Variants in TFAP2A observed in about 807,000 individuals in gnomAD.
TFAP2A encodes the protein transcription factor AP-2 alpha.
Under a neutral mutation model 41.5 loss-of-function variants are expected in TFAP2A, and 7 were observed. The observed-to-expected ratio is 0.17, with a 90% CI of 0.10 to 0.32. The LOEUF is 0.32. Among genes scored for constraint, TFAP2A ranks in the 10% least tolerant of loss-of-function variants. The probability of loss-of-function intolerance (pLI) is 1.00; values close to 1 mark genes in which losing one functional copy is unlikely to be tolerated. For missense variants in TFAP2A, 416 were observed against 563.3 expected (o/e 0.74, Z 2.65); for synonymous variants, 247 against 242.8 (o/e 1.02, Z -0.16).
intron 2 of TFAP2A, chr6:10,409,502 G>T: frequency 4.4e-6 from 1 of 225,996 alleles, no homozygotes; most frequent in Non-Finnish European, 8.9e-6. Context: ...CATTTAATGA[G>T]CTCTTTTGGT....
intron 2 of TFAP2A, chr6:10,409,019 C>T (rs1223621683): frequency 6.6e-6 from 1 of 152,202 alleles, no homozygotes; most frequent in East Asian, 1.9e-4. Flanking sequence ...GCTCTAATTC[C>T]ATTTCAGGAG....
At chr6:10,407,819 T>G (rs1177845468) in intron 2 of TFAP2A, 1 of 152,206 alleles carries the variant, frequency 6.6e-6, no homozygotes, top group Admixed American at 6.5e-5. Context: ...TGATTCCGGG[T>G]GGATGGTACT....
At chr6:10,412,285 G>T in intron 1 of TFAP2A, 1 of 987,284 alleles carries the variant, frequency 1.0e-6, no homozygotes, top group Non-Finnish European at 1.2e-6. Flanking sequence ...ATTTTAAAAG[G>T]TTGCAGGGCA....
At position 10,396,898 on chromosome 6, in the gene TFAP2A, G is replaced by A. The variant is rs1391894372; in HGVS notation, c.*1519C>T. ...AAGTAAGTTTTTATTATACTTGAGG[G>A]AAACAATGGGTTCAGCTGCTTATTG... On this transcript the variant is annotated 3_prime_UTR_variant, in exon 7 of 7. Transcript: ENST00000379613. 1.3e-5 allele frequency: 2 copies of A among 152,514 alleles called. No individual in the cohort carries two copies. The highest frequency in any genetic ancestry group is 1.3e-4 in the Admixed American group (2 of 15,274). The allele number at this position is 152,514 out of a possible 1,614,324, so 9.4% of individuals were successfully genotyped here. A position where few individuals can be genotyped will look rare whatever the true frequency, so the allele number is the denominator to read the frequency against.
At chr6:10,411,652 C>G in intron 1 of TFAP2A, 1 of 1,611,772 alleles carries the variant, frequency 6.2e-7, no homozygotes, top group Non-Finnish European at 8.5e-7. Context: ...AAGCCTGGAG[C>G]GCCCGGCTGC....
intron 5 of TFAP2A, 56 bp downstream of exon 5, chr6:10,402,436 T>C (rs2114007235): frequency 1.5e-6 from 2 of 1,292,464 alleles, no homozygotes; most frequent in East Asian, 4.6e-5. Flanking sequence ...GGCCACTAAA[T>C]ATTATCCATT....
At position 10,398,278 on chromosome 6, in the gene TFAP2A, A is replaced by AGCGGCG. The variant is rs952111195; in HGVS notation, c.*133_*138dup. The AGCGGCG allele has an allele frequency of 6.8e-5, 106 of 1,568,390 alleles. No individual in the cohort carries two copies. The highest frequency in any genetic ancestry group is 2.0e-4 in the African/African-American group (15 of 73,974). On this transcript the variant is annotated 3_prime_UTR_variant, in exon 7 of 7. Coordinates refer to ENST00000379613, the MANE Select transcript of TFAP2A (RefSeq NM_001372066.1). This position sits in a 1 kb window ranked among gnomAD's most constrained non-coding sequence, Gnocchi z 5.3. ...CGGAGACTCGGGGGGACCCAAGGGCAGCGGCGGCGGCGGCGGCGGCAGCAG... is the reference window on the plus strand; with the variant it reads ...CGGAGACTCGGGGGGACCCAAGGGCAGCGGCGGCGGCGGCGGCGGCGGCGGCAGCAG...
chr6:10,398,374 G>C lies in TFAP2A; in HGVS notation c.*43C>G. The stretch of plus-strand genomic sequence containing the variant: ...TCACCCGCCGGAGGGTGGGCGCGCG[G>C]GGGGCTGGTGAGGCGTGGGAGGGGC... On this transcript the variant is annotated 3_prime_UTR_variant, in exon 7 of 7. Transcript: ENST00000379613. The surrounding 1 kb of genome is among the most constrained non-coding windows in gnomAD (Gnocchi z 5.3). The C allele has an allele frequency of 6.2e-7, 1 of 1,611,010 alleles. No homozygotes were observed. The highest frequency in any genetic ancestry group is 8.5e-7 in the Non-Finnish European group (1 of 1,179,208).
At chr6:10,419,538 ATCC>A, upstream of TFAP2A, 1 of 1,554,716 alleles carries the variant, frequency 6.4e-7, no homozygotes, top group Non-Finnish European at 8.9e-7. Context: ...GCTTAGGCAA[ATCC>A]TCCTTTTTTA....
At chr6:10,415,308 G>A (rs1335550192), upstream of TFAP2A, 1 of 1,349,936 alleles carries the variant, frequency 7.4e-7, no homozygotes, top group African/African-American at 1.5e-5. Flanking sequence ...CAGCCTAATC[G>A]CCTCATTAGC....
intron 2 of TFAP2A, chr6:10,409,036 G>T (rs1757836076): frequency 6.6e-6 from 1 of 152,240 alleles, no homozygotes; most frequent in African/African-American, 2.4e-5. Flanking sequence ...GGAGGGTTGT[G>T]AGGAAACCAT....
upstream of TFAP2A, chr6:10,416,076 C>G (rs1461452829): frequency 6.6e-6 from 1 of 152,190 alleles, no homozygotes; most frequent in Admixed American, 6.5e-5. Context: ...ACTGCACACC[C>G]GCTTCTGAAG....
At position 10,404,758 on chromosome 6, in the gene TFAP2A, G is replaced by T; in HGVS notation, c.539-19C>A. The T allele has an allele frequency of 6.8e-6, 11 of 1,609,708 alleles. No individual in the cohort carries two copies. The highest frequency in any genetic ancestry group is 9.4e-6 in the Non-Finnish European group (11 of 1,176,106). On this transcript the variant is annotated intron_variant, in intron 3 of 6. Transcript: ENST00000379613. ...ACGGGGCCTGCGGAGACAGAGGGGA[G>T]GCCGCGTGTTGGGCGTCGTGGATCA...
intron 5 of TFAP2A, 150 bp from the exon 6 acceptor site, chr6:10,400,739 C>G: frequency 1.1e-6 from 1 of 930,950 alleles, no homozygotes; most frequent in South Asian, 1.4e-5. Flanking sequence ...CATTTTATTT[C>G]CTTCTCTGTA....
intron 1 of TFAP2A, among the ~76,000 whole-genome samples, chr6:10,413,051 G>A (rs1554113067): frequency 6.6e-6 from 1 of 151,956 alleles, no homozygotes; most frequent in Non-Finnish European, 1.5e-5. Flanking sequence ...CCCGCCTGAC[G>A]CCCCCCCAGA....
chr6:10,399,814 G>T (rs1187323731), intron 6 of TFAP2A, among the ~76,000 whole-genome samples: 2 of 152,166 alleles, frequency 1.3e-5, no homozygotes, highest in African/African-American at 4.8e-5. Context: ...ATTCAGCCCA[G>T]GCACCGATGG....
intron 3 of TFAP2A, 70 bp downstream of exon 3, chr6:10,406,723 C>G: frequency 1.5e-6 from 2 of 1,337,856 alleles, no homozygotes; most frequent in Non-Finnish European, 2.2e-6. Context: ...ATAAACACAT[C>G]TCTGCAAGTT....
upstream of TFAP2A, among the ~76,000 whole-genome samples, chr6:10,419,046 G>A (rs115271154): frequency 1.4e-3 from 217 of 152,220 alleles, no homozygotes; most frequent in African/African-American, 4.3e-3. Flanking sequence ...CACAACCCCA[G>A]GCCTTCTCCC....
rs1761823191 is a variant in TFAP2A at position 10,397,664 on chromosome 6, A to C, written c.*753T>G. 1 of 193,198 alleles carries C rather than the reference A, an allele frequency of 5.2e-6. No individual in the cohort carries two copies. The highest frequency in any genetic ancestry group is 1.8e-4 in the South Asian group (1 of 5,604). The allele number at this position is 193,198 out of a possible 1,614,324, so 12.0% of individuals were successfully genotyped here. The stretch of plus-strand genomic sequence containing the variant: ...AGGTAAACAAGATCAGATAAATAAA[A>C]AAAAAAAGGCTTAAAACAGACTCAC... On this transcript the variant is annotated 3_prime_UTR_variant, in exon 7 of 7. Coordinates refer to ENST00000379613, the MANE Select transcript of TFAP2A (RefSeq NM_001372066.1).
Sources: gnomAD v4.1 joint callset for allele counts (sites outside exome capture counted in the v4.1 genomes callset) on GRCh38, gnomAD v4.1.1 for gene constraint, Gnocchi (gnomAD v3.1) non-coding constraint, MANE v1.5 for transcripts, NCBI Gene and HGNC (gene_info 2026-07-23, HGNC 2026-07-21) for gene names.